The following ARHGAP12 variants were observed in gnomAD, a reference collection of about 807,000 sequenced individuals.
ARHGAP12 encodes the protein Rho GTPase activating protein 12, also known as rho GTPase-activating protein 12.
In ARHGAP12, 64 loss-of-function variants were observed where a neutral mutation model predicts 108.6. The ratio of observed to expected loss-of-function variants is 0.59; its 90% CI spans 0.48 to 0.73. The LOEUF (loss-of-function observed/expected upper bound fraction) is 0.73. ARHGAP12 is among the 30% of genes least tolerant of loss of function. The pLI is 0.00. For synonymous variants in ARHGAP12, 312 were observed against 337.2 expected (o/e 0.93, Z 0.82); for missense variants, 940 against 1,005.9 (o/e 0.93, Z 0.89).
chr10:31,912,824 G>A (rs1258891798), intron 1 of ARHGAP12, among the ~76,000 whole-genome samples: 1 of 151,922 alleles, frequency 6.6e-6, no homozygotes, highest in Non-Finnish European at 1.5e-5. Context: ...CACATAGCAG[G>A]AACTACATGT....
intron 7 of ARHGAP12, among the ~76,000 whole-genome samples, chr10:31,839,940 T>C (rs1836197861): frequency 1.3e-5 from 2 of 152,094 alleles, no homozygotes; most frequent in South Asian, 4.1e-4. Flanking sequence ...ATTTAAATAA[T>C]GCATATGGAA....
chr10:31,927,217 C>T (rs1840084470), intron 1 of ARHGAP12, among the ~76,000 whole-genome samples: 1 of 42,352 alleles, frequency 2.4e-5, no homozygotes, highest in South Asian at 6.0e-4. Flanking sequence ...AGCTCTGAAA[C>T]GTTTCCAAGG....
At chr10:31,835,256 G>C (rs939963714) in intron 9 of ARHGAP12, among the ~76,000 whole-genome samples, 16 of 150,680 alleles carry the variant, frequency 1.1e-4, no homozygotes, top group African/African-American at 3.9e-4. Context: ...ATACTATTTA[G>C]TATACTTTCT....
rs762429547 is a variant in ARHGAP12, at chr10:31,817,811, G to A, written c.1708C>T (p.Leu570Phe). Residue 570 changes from leucine (L) to phenylalanine (F), a missense_variant, in exon 13 of 20, where the codon CTT becomes TTT. By Grantham distance (22) the Leu-to-Phe change is conservative (BLOSUM62 0). Coordinates refer to ENST00000344936, the MANE Select transcript of ARHGAP12 (RefSeq NM_018287.7). Reference protein sequence around the residue: ...DTVINDWFKVLSSTINNQAVE... With the variant: ...DTVINDWFKVFSSTINNQAVE... ...ACCTGATTATTGATTGTACTACTAA[G>A]AACTTTAAACCAATCATTAATAACA... The A allele has an allele frequency of 5.0e-6, 8 of 1,607,548 alleles. No individual in the cohort carries two copies. The highest frequency in any genetic ancestry group is 6.8e-6 in the Non-Finnish European group (8 of 1,177,200).
chr10:31,810,164 C>T (rs902460337), intron 16 of ARHGAP12, among the ~76,000 whole-genome samples: 1 of 151,944 alleles, frequency 6.6e-6, no homozygotes, highest in Non-Finnish European at 1.5e-5. Flanking sequence ...AAATTAATCA[C>T]AATAGAAATT....
At chr10:31,829,012 C>T (rs977188063) in intron 10 of ARHGAP12, among the ~76,000 whole-genome samples, 1 of 152,000 alleles carries the variant, frequency 6.6e-6, no homozygotes, top group African/African-American at 2.4e-5. Flanking sequence ...ATTAGCCACG[C>T]GTAGTGGCAC....
At chr10:31,843,623 T>C in intron 6 of ARHGAP12, 37 bp from the exon 7 acceptor site, 1 of 1,542,080 alleles carries the variant, frequency 6.5e-7, no homozygotes, top group African/African-American at 1.4e-5. Context: ...AAAAAACAGT[T>C]CATAAACAAT....
intron 4 of ARHGAP12, among the ~76,000 whole-genome samples, chr10:31,859,937 G>A (rs1157590320): frequency 6.6e-6 from 1 of 151,906 alleles, no homozygotes; most frequent in Non-Finnish European, 1.5e-5. Flanking sequence ...TGGGATTACA[G>A]GTGCCCGCCA....
intron 2 of ARHGAP12, among the ~76,000 whole-genome samples, chr10:31,910,257 T>G (rs1475958461): frequency 6.6e-6 from 1 of 152,158 alleles, no homozygotes; most frequent in Non-Finnish European, 1.5e-5. Flanking sequence ...AAACTGAGAT[T>G]TACCAAAAAT....
At chr10:31,865,490 T>C (rs1837288876) in intron 3 of ARHGAP12, among the ~76,000 whole-genome samples, 1 of 152,036 alleles carries the variant, frequency 6.6e-6, no homozygotes, top group Non-Finnish European at 1.5e-5. Flanking sequence ...TACATTTAGA[T>C]TGCATTAGGT....
chr10:31,923,684 C>T (rs999817987), intron 1 of ARHGAP12, among the ~76,000 whole-genome samples: 1 of 152,154 alleles, frequency 6.6e-6, no homozygotes, highest in Non-Finnish European at 1.5e-5. Flanking sequence ...AGACCAGAAT[C>T]CATAGTACAC....
intron 3 of ARHGAP12, among the ~76,000 whole-genome samples, chr10:31,896,641 A>G (rs528867335): frequency 1.2e-4 from 19 of 152,346 alleles, no homozygotes; most frequent in Non-Finnish European, 2.2e-4. Context: ...GGGCTTCAGC[A>G]AAGTATATGG....
At position 31,908,628 on chromosome 10, in the gene ARHGAP12, A is replaced by G. The variant is rs996530142; in HGVS notation, c.228T>C (p.Ala76=). Residue 76 remains alanine, a synonymous_variant, in exon 3 of 20, where the codon GCT becomes GCC. Transcript: ENST00000344936. Reference sequence around the variant, plus strand: ...CTACCTGCTTAACAGGTGGCATGAGAGCTTTGCGCGTGACCTCCTTCACAT... The same window carrying G: ...CTACCTGCTTAACAGGTGGCATGAGGGCTTTGCGCGTGACCTCCTTCACAT... The part of the protein sequence containing the change: ...AQYVKEVTRK[A]LMPPVKQVAG... 3.1e-6 allele frequency: 5 copies of G among 1,614,034 alleles called. No homozygotes were observed. The highest frequency in any genetic ancestry group is 1.7e-5 in the Admixed American group (1 of 59,992).
intron 10 of ARHGAP12, among the ~76,000 whole-genome samples, chr10:31,830,787 AG>A (rs1345379128): frequency 6.6e-6 from 1 of 152,252 alleles, no homozygotes; most frequent in Non-Finnish European, 1.5e-5. Flanking sequence ...TTCAACAAAA[AG>A]GAAATACCAA....
At chr10:31,876,034 T>C (rs751629929) in intron 3 of ARHGAP12, among the ~76,000 whole-genome samples, 6 of 148,508 alleles carry the variant, frequency 4.0e-5, no homozygotes, top group Non-Finnish European at 7.6e-5. Flanking sequence ...TTATTATTAA[T>C]GTATTCATCC....
intron 3 of ARHGAP12, among the ~76,000 whole-genome samples, chr10:31,864,580 T>C (rs7910877): frequency 0.091 from 13,825 of 152,178 alleles, 762 homozygotes; most frequent in Middle Eastern, 0.13. Flanking sequence ...GTTGAATGAA[T>C]AAACAAACTA....
rs949442554 is a variant in ARHGAP12 at position 31,909,001 on chromosome 10, A to T, written c.-71-75T>A. 4 of 766,630 alleles carry T rather than the reference A, an allele frequency of 5.2e-6. No homozygotes were observed. The Admixed American group carries it at 8.8e-5, about 17-fold the overall frequency. 47.5% of individuals were successfully genotyped at this position (766,630 alleles called of 1,614,324 possible). ...CTGGATTTCGTATTTACTCACAAGCATCATATAGTATAGGCCATTTAAAGA... is the reference window on the plus strand; with the variant it reads ...CTGGATTTCGTATTTACTCACAAGCTTCATATAGTATAGGCCATTTAAAGA... On this transcript the variant is annotated intron_variant, in intron 2 of 19. Transcript: ENST00000344936.
chr10:31,916,014 A>T (rs1041407723), intron 1 of ARHGAP12, among the ~76,000 whole-genome samples: 2 of 152,164 alleles, frequency 1.3e-5, no homozygotes, highest in African/African-American at 4.8e-5. Flanking sequence ...TTCTGTTCTT[A>T]AGAGAAAGTT....
chr10:31,921,024 C>G (rs1377651456), intron 1 of ARHGAP12, among the ~76,000 whole-genome samples: 1 of 152,138 alleles, frequency 6.6e-6, no homozygotes, highest in Non-Finnish European at 1.5e-5. Flanking sequence ...CGCGTGTAAT[C>G]CCAGCTCTTT....
Sources: allele counts gnomAD v4.1 joint callset (sites outside exome capture counted in the v4.1 genomes callset), GRCh38; gene constraint gnomAD v4.1.1; transcripts MANE v1.5; gene names NCBI Gene and HGNC (gene_info 2026-07-23, HGNC 2026-07-21).